The following LZTS1 variants were observed in gnomAD, a reference collection of about 807,000 sequenced individuals.
LZTS1 encodes the protein leucine zipper putative tumor suppressor 1.
Under a neutral mutation model 45.8 loss-of-function variants are expected in LZTS1, and 31 were observed. That is an observed-to-expected ratio of 0.68 (90% confidence interval 0.51 to 0.91). The LOEUF (loss-of-function observed/expected upper bound fraction) is 0.91. Among genes scored for constraint, LZTS1 ranks in the 40% least tolerant of loss-of-function variants. The pLI is 0.00. For synonymous variants in LZTS1, 359 were observed against 357.3 expected, an observed-to-expected ratio of 1.00 and a Z score of -0.05; for missense variants, 821 against 788.9, an observed-to-expected ratio of 1.04 and a Z score of -0.49.
chr8:20,278,914 A>G (rs1475288140), intron 1 of LZTS1, among the ~76,000 whole-genome samples: 1 of 152,180 alleles, frequency 6.6e-6, no homozygotes, highest in African/African-American at 2.4e-5. Context: ...TCCCTGCAGT[A>G]CATTCATGAC....
Position 20,253,097 on chromosome 8 carries a change from C to G in LZTS1, c.834G>C (p.Gln278His). Residue 278 changes from glutamine to histidine, a missense_variant, in exon 3 of 4, where the codon CAG becomes CAC. Gln to His is a conservative substitution (Grantham distance 24). Transcript: ENST00000381569. ...QKLLEREGAL[Q>H]KLQRSFEEKE... The stretch of plus-strand genomic sequence containing the variant: ...TCTCCTCAAAGCTGCGCTGCAGCTT[C>G]TGGAGGGCGCCCTCCCTCTCCAACA... The G allele has an allele frequency of 6.2e-7, 1 of 1,610,702 alleles. No individual in the cohort carries two copies. Among genetic ancestry groups the G allele is most frequent in the Non-Finnish European group, 8.5e-7 (1 of 1,178,878 alleles).
At chr8:20,278,277 T>C (rs945217493) in intron 1 of LZTS1, among the ~76,000 whole-genome samples, 9 of 152,138 alleles carry the variant, frequency 5.9e-5, no homozygotes, top group South Asian at 4.1e-4. Flanking sequence ...TACCTTCCTC[T>C]AGGAACGAGA....
chr8:20,298,293 C>A (rs1801012141), intron 1 of LZTS1, among the ~76,000 whole-genome samples: 1 of 152,048 alleles, frequency 6.6e-6, no homozygotes, highest in African/African-American at 2.4e-5. Flanking sequence ...AACTCCTGAC[C>A]TCAGATGATA....
chr8:20,277,716 T>A (rs1385233337), intron 1 of LZTS1, among the ~76,000 whole-genome samples: 2 of 152,206 alleles, frequency 1.3e-5, no homozygotes, highest in African/African-American at 4.8e-5. Context: ...GTGGGCGAAC[T>A]GTCCTAAAAG....
chr8:20,273,253 C>T (rs992383046), intron 1 of LZTS1, among the ~76,000 whole-genome samples: 1 of 152,152 alleles, frequency 6.6e-6, no homozygotes. Context: ...CGCAGCCTGT[C>T]CTCTGTCACC....
At chr8:20,283,152 T>A (rs955061577) in intron 1 of LZTS1, among the ~76,000 whole-genome samples, 1 of 152,154 alleles carries the variant, frequency 6.6e-6, no homozygotes, top group South Asian at 2.1e-4. Flanking sequence ...GATGCTCAGA[T>A]GTGTTCTGGA....
At chr8:20,255,343 G>T in intron 1 of LZTS1, 28 bp from the exon 2 acceptor site, 1 of 1,418,912 alleles carries the variant, frequency 7.0e-7, no homozygotes, top group South Asian at 1.5e-5. Flanking sequence ...ACAGAAGTCA[G>T]CGTGGGTGGG....
At chr8:20,268,550 A>G (rs995621829) in intron 1 of LZTS1, among the ~76,000 whole-genome samples, 3 of 151,878 alleles carry the variant, frequency 2.0e-5, no homozygotes, top group African/African-American at 7.3e-5. Flanking sequence ...GGGCTGGGGC[A>G]GGGGTGAGCC....
chr8:20,298,651 C>A (rs937015275), intron 1 of LZTS1, among the ~76,000 whole-genome samples: 2 of 151,992 alleles, frequency 1.3e-5, no homozygotes, highest in Admixed American at 1.3e-4. Context: ...TCACTTGAGG[C>A]CAGGGGTTCA....
chr8:20,260,884 A>G (rs191706744), intron 1 of LZTS1, among the ~76,000 whole-genome samples: 14 of 152,280 alleles, frequency 9.2e-5, no homozygotes, highest in Admixed American at 8.5e-4. Flanking sequence ...GGAGCTTTGA[A>G]GTTTGAGGAG....
chr8:20,271,317 G>T (rs730111), intron 1 of LZTS1, among the ~76,000 whole-genome samples: 50,174 of 152,044 alleles, frequency 0.33, 9,906 homozygotes, highest in Non-Finnish European at 0.43. Flanking sequence ...GCATCCGGCC[G>T]TGTTTCCACT....
chr8:20,261,929 C>T (rs1042553066), intron 1 of LZTS1, among the ~76,000 whole-genome samples: 1 of 152,214 alleles, frequency 6.6e-6, no homozygotes, highest in Non-Finnish European at 1.5e-5. Context: ...TCTGTTATTT[C>T]CCCTCCTGCT....
At chr8:20,250,837 G>GCTCTGCCTGC (rs1563850208) in intron 3 of LZTS1, among the ~76,000 whole-genome samples, 1 of 151,850 alleles carries the variant, frequency 6.6e-6, no homozygotes, top group Non-Finnish European at 1.5e-5. Flanking sequence ...GACCTCAAGT[G>GCTCTGCCTGC]CTCTGCCTGC....
intron 1 of LZTS1, among the ~76,000 whole-genome samples, chr8:20,258,101 C>CT (rs1800148185): frequency 6.6e-6 from 1 of 152,258 alleles, no homozygotes. Context: ...AGGCAAATCT[C>CT]TAAGTTTAGA....
At chr8:20,263,836 G>C (rs1301207094) in intron 1 of LZTS1, among the ~76,000 whole-genome samples, 4 of 152,176 alleles carry the variant, frequency 2.6e-5, no homozygotes, top group Admixed American at 1.3e-4. Flanking sequence ...ATGCTCATCG[G>C]ACACCCCACA....
chr8:20,275,006 G>A lies in LZTS1; in HGVS notation c.-134-19691C>T, dbSNP rs907002564. 2.9e-5 allele frequency among the ~76,000 whole-genome samples: 4 copies of A among 136,996 alleles called. No homozygotes were observed. In the East Asian group the frequency reaches 5.8e-4, roughly 20 times the overall value. The allele number at this position is 136,996 out of a possible 152,430, so 89.9% of individuals were successfully genotyped here. ...GTGTCTCAATGGGATTACCTCTCAG[G>A]ATTGTGATATTCGCTTCCTGGAGGG... On this transcript the variant is annotated intron_variant, in intron 1 of 3. Coordinates refer to ENST00000381569, the MANE Select transcript of LZTS1 (RefSeq NM_021020.5).
At chr8:20,297,647 C>A (rs1350144595) in intron 1 of LZTS1, among the ~76,000 whole-genome samples, 1 of 152,144 alleles carries the variant, frequency 6.6e-6, no homozygotes, top group African/African-American at 2.4e-5. Flanking sequence ...AACTCCTGAC[C>A]TCTGGTGATC....
At chr8:20,286,501 T>C (rs528639424) in intron 1 of LZTS1, among the ~76,000 whole-genome samples, 1 of 152,324 alleles carries the variant, frequency 6.6e-6, no homozygotes, top group African/African-American at 2.4e-5. Flanking sequence ...AGTCTGATAA[T>C]ACCAAGTGCT....
intron 3 of LZTS1, among the ~76,000 whole-genome samples, chr8:20,251,185 C>T (rs1182819243): frequency 7.1e-6 from 1 of 140,394 alleles, no homozygotes; most frequent in Non-Finnish European, 1.5e-5. Flanking sequence ...TTGATCCCAA[C>T]AGTTTAATCA....
Sources: gnomAD v4.1 joint callset for allele counts (sites outside exome capture counted in the v4.1 genomes callset) on GRCh38, gnomAD v4.1.1 for gene constraint, MANE v1.5 for transcripts, NCBI Gene and HGNC (gene_info 2026-07-23, HGNC 2026-07-21) for gene names.